The following NFIA variants were observed in gnomAD, a reference collection of about 807,000 sequenced individuals.
The protein encoded by NFIA is nuclear factor 1 A-type.
A neutral mutation model predicts 62.8 loss-of-function variants in NFIA; 8 were observed. The observed-to-expected ratio is 0.13, with a 90% CI of 0.07 to 0.23. The LOEUF (loss-of-function observed/expected upper bound fraction) is 0.23. Ranked by LOEUF, NFIA falls within the 10% of genes least tolerant of loss-of-function variation. NFIA has a pLI of 1.00. For missense variants in NFIA, 410 were observed against 642.1 expected, an observed-to-expected ratio of 0.64 and a Z score of 3.91; for synonymous variants, 235 against 238.1, an observed-to-expected ratio of 0.99 and a Z score of 0.12.
chr1:61,140,553 A>G (rs1019383417), intron 2 of NFIA, among the ~76,000 whole-genome samples: 4 of 152,094 alleles, frequency 2.6e-5, no homozygotes, highest in African/African-American at 9.7e-5. Flanking sequence ...ATGGCTTTAC[A>G]TATTTTCTGT....
At chr1:61,168,414 TA>T (rs1376915176) in intron 2 of NFIA, among the ~76,000 whole-genome samples, 1 of 152,176 alleles carries the variant, frequency 6.6e-6, no homozygotes, top group African/African-American at 2.4e-5. Flanking sequence ...GTTTTTGAAA[TA>T]AAAAATACCC....
At chr1:61,444,134 T>G (rs1476491392) in intron 10 of NFIA, among the ~76,000 whole-genome samples, 1 of 152,234 alleles carries the variant, frequency 6.6e-6, no homozygotes, top group East Asian at 1.9e-4. Flanking sequence ...AGAATCAACG[T>G]GCATTGACCA....
chr1:61,175,605 G>T (rs1169399787), intron 2 of NFIA, among the ~76,000 whole-genome samples: 1 of 152,158 alleles, frequency 6.6e-6, no homozygotes, highest in Non-Finnish European at 1.5e-5. Context: ...CCTCAAAAAA[G>T]GCAGTATTAA....
intron 2 of NFIA, among the ~76,000 whole-genome samples, chr1:61,114,967 GTTGT>G (rs1241348635): frequency 6.6e-6 from 1 of 152,012 alleles, no homozygotes; most frequent in Non-Finnish European, 1.5e-5. Flanking sequence ...TATATTTGTT[GTTGT>G]TTGTTTTGTT....
intron 2 of NFIA, among the ~76,000 whole-genome samples, chr1:61,110,631 A>T (rs1046768794): frequency 1.3e-5 from 2 of 152,160 alleles, no homozygotes; most frequent in African/African-American, 4.8e-5. Flanking sequence ...TATAAAAGCG[A>T]AATTTAGGTG....
At chr1:61,422,216 TC>T (rs1384637693) in intron 9 of NFIA, among the ~76,000 whole-genome samples, 1 of 152,180 alleles carries the variant, frequency 6.6e-6, no homozygotes, top group Non-Finnish European at 1.5e-5. Flanking sequence ...TAAGCTGTGT[TC>T]CTGCCACTGC....
chr1:61,384,953 C>T (rs185813614), intron 7 of NFIA, among the ~76,000 whole-genome samples: 33 of 152,178 alleles, frequency 2.2e-4, no homozygotes, highest in African/African-American at 7.5e-4. Flanking sequence ...GATGATGGGC[C>T]GGGCACAGTG....
intron 2 of NFIA, among the ~76,000 whole-genome samples, chr1:61,129,075 A>C (rs1570222556): frequency 6.6e-6 from 1 of 150,960 alleles, no homozygotes; most frequent in East Asian, 2.0e-4. Flanking sequence ...GACGCCCACC[A>C]CCACGCCCGG....
At chr1:61,229,228 G>T (rs1028971875) in intron 2 of NFIA, among the ~76,000 whole-genome samples, 1 of 151,542 alleles carries the variant, frequency 6.6e-6, no homozygotes, top group East Asian at 1.9e-4. Flanking sequence ...GAACTAAAAA[G>T]CATAAAATAT....
chr1:61,211,251 T>A (rs1308997966), intron 2 of NFIA, among the ~76,000 whole-genome samples: 2 of 152,198 alleles, frequency 1.3e-5, no homozygotes, highest in African/African-American at 4.8e-5. Flanking sequence ...TTGGGAAAAT[T>A]ACAGTACCAG....
chr1:61,127,535 G>A (rs1415407048), intron 2 of NFIA, among the ~76,000 whole-genome samples: 10 of 152,020 alleles, frequency 6.6e-5, no homozygotes. Flanking sequence ...ACCTCTTTGA[G>A]GAGAGCTCCC....
intron 2 of NFIA, among the ~76,000 whole-genome samples, chr1:61,177,453 A>G (rs1394236662): frequency 6.6e-6 from 1 of 152,178 alleles, no homozygotes; most frequent in Non-Finnish European, 1.5e-5. Flanking sequence ...GTTGTCTAAC[A>G]CTTTCCCATT....
intron 9 of NFIA, among the ~76,000 whole-genome samples, chr1:61,410,708 A>C (rs1267004935): frequency 6.6e-6 from 1 of 152,060 alleles, no homozygotes; most frequent in African/African-American, 2.4e-5. Context: ...GGAGTTCGAG[A>C]CCAGCCTGGG....
chr1:61,090,028 T>C (rs550723065), intron 2 of NFIA, among the ~76,000 whole-genome samples: 2 of 152,268 alleles, frequency 1.3e-5, no homozygotes, highest in African/African-American at 4.8e-5. Flanking sequence ...ATTATAAGAA[T>C]TGCCTTTTGC....
At chr1:61,258,232 G>T (rs867868667) in intron 2 of NFIA, among the ~76,000 whole-genome samples, 1 of 152,064 alleles carries the variant, frequency 6.6e-6, no homozygotes, top group South Asian at 2.1e-4. Flanking sequence ...ATTTTTAAAA[G>T]AATTTAATTT....
At chr1:61,116,456 A>G (rs1256737112) in intron 2 of NFIA, among the ~76,000 whole-genome samples, 2 of 152,144 alleles carry the variant, frequency 1.3e-5, no homozygotes, top group African/African-American at 4.8e-5. Context: ...TGCACTTGAT[A>G]AACACTGTCA....
chr1:61,426,410 T>G, intron 9 of NFIA, 55 bp from the exon 10 acceptor site: 1 of 1,182,898 alleles, frequency 8.5e-7, no homozygotes, highest in South Asian at 1.3e-5. Context: ...TTGGTGTTGT[T>G]TGTGTGTGCA....
intron 2 of NFIA, among the ~76,000 whole-genome samples, chr1:61,136,790 GTTT>G (rs575079893): frequency 1.2e-4 from 18 of 152,000 alleles, no homozygotes; most frequent in Non-Finnish European, 2.4e-4. Flanking sequence ...TCCCCTACTA[GTTT>G]TTTTGTTTGG....
intron 4 of NFIA, among the ~76,000 whole-genome samples, chr1:61,346,166 G>A (rs1369824174): frequency 6.6e-6 from 1 of 152,162 alleles, no homozygotes; most frequent in Admixed American, 6.5e-5. Flanking sequence ...GACAAAGCAT[G>A]ATAAAGCCCA....
Sources: allele counts gnomAD v4.1 joint callset (sites outside exome capture counted in the v4.1 genomes callset), GRCh38; gene constraint gnomAD v4.1.1; transcripts MANE v1.5; gene names NCBI Gene and HGNC (gene_info 2026-07-23, HGNC 2026-07-21).